The following MEOX2 variants were observed in gnomAD, a reference collection of about 807,000 sequenced individuals.
MEOX2 encodes the protein mesenchyme homeobox 2.
In MEOX2, 11 loss-of-function variants were observed where a neutral mutation model predicts 27.0. The ratio of observed to expected loss-of-function variants is 0.41; its 90% CI spans 0.26 to 0.68. The LOEUF (loss-of-function observed/expected upper bound fraction) is 0.68. MEOX2 is among the 30% of genes least tolerant of loss of function. The pLI is 0.33. For missense variants in MEOX2, 436 were observed against 385.4 expected, an observed-to-expected ratio of 1.13 and a Z score of -1.10; for synonymous variants, 189 against 155.4, an observed-to-expected ratio of 1.22 and a Z score of -1.61.
intron 1 of MEOX2, among the ~76,000 whole-genome samples, chr7:15,643,731 C>T (rs1425831430): frequency 6.6e-6 from 1 of 152,150 alleles, no homozygotes; most frequent in Non-Finnish European, 1.5e-5. Context: ...AGCCGCTGTG[C>T]CCCTAAACAA....
At chr7:15,615,316 C>T (rs896297861) in intron 2 of MEOX2, among the ~76,000 whole-genome samples, 6 of 151,908 alleles carry the variant, frequency 3.9e-5, no homozygotes, top group Admixed American at 3.9e-4. Context: ...AGGATTTAAA[C>T]GTGAGGGCTG....
intron 1 of MEOX2, among the ~76,000 whole-genome samples, chr7:15,632,244 T>C (rs1370940639): frequency 1.3e-5 from 2 of 151,752 alleles, no homozygotes; most frequent in African/African-American, 2.4e-5. Context: ...GTTACAGAAA[T>C]TTTAGCCATT....
rs1009598320 is a variant in MEOX2, at chr7:15,636,786, A to G, written c.518-9868T>C. On this transcript the variant is annotated intron_variant, in intron 1 of 2. Coordinates refer to ENST00000262041, the MANE Select transcript of MEOX2 (RefSeq NM_005924.5). ...ATTTCCTACAATCCTAGAGGCTGAG[A>G]AGAAGTGCACGATCAAGGCAGCAAC... Among the ~76,000 whole-genome samples, 77 of 152,084 alleles carry G rather than the reference A, an allele frequency of 5.1e-4. 1 individual carries two copies. Among genetic ancestry groups the G allele is most frequent in the African/African-American group, 1.7e-3 (72 of 41,446 alleles).
intron 1 of MEOX2, among the ~76,000 whole-genome samples, chr7:15,645,580 A>G (rs1781629101): frequency 6.6e-6 from 1 of 152,212 alleles, no homozygotes; most frequent in African/African-American, 2.4e-5. Context: ...TAAGGAATTT[A>G]CAGCTTAAAG....
chr7:15,626,956 T>G lies in MEOX2; in HGVS notation c.518-38A>C, dbSNP rs541993792. On this transcript the variant is annotated intron_variant, in intron 1 of 2. Coordinates refer to ENST00000262041, the MANE Select transcript of MEOX2 (RefSeq NM_005924.5). ...GGAGACAGAATTGGTAATAACTCAT[T>G]TATTCAAACACATGCAATCATATTA... 1.5e-5 allele frequency: 23 copies of G among 1,572,958 alleles called. No homozygotes were observed. The South Asian group carries it at 2.3e-4, about 16-fold the overall frequency.
At position 15,660,064 on chromosome 7, in the gene MEOX2, T is replaced by G. The variant is rs1781887517; in HGVS notation, c.517+25822A>C. 2.6e-5 allele frequency among the ~76,000 whole-genome samples: 4 copies of G among 152,266 alleles called. No homozygotes were observed. The South Asian group carries it at 8.3e-4, about 32-fold the overall frequency. On this transcript the variant is annotated intron_variant, in intron 1 of 2. Transcript: ENST00000262041. ...CATTGAGAGGAAAAGTGAACACCTT[T>G]CCTTCTTGAATGAGCTAAGGATGGC... is the stretch of plus-strand genomic sequence containing the variant.
intron 2 of MEOX2, among the ~76,000 whole-genome samples, 192 bp downstream of exon 2, chr7:15,626,554 G>A (rs1397580008): frequency 6.6e-6 from 1 of 151,412 alleles, no homozygotes; most frequent in Non-Finnish European, 1.5e-5. Flanking sequence ...CAATAAGTAT[G>A]GTTTTCTTTC....
chr7:15,614,761 A>G (rs1159112886), intron 2 of MEOX2, among the ~76,000 whole-genome samples: 1 of 152,152 alleles, frequency 6.6e-6, no homozygotes, highest in African/African-American at 2.4e-5. Context: ...CTACGTTAGA[A>G]ATATTTTGAA....
intron 1 of MEOX2, chr7:15,668,401 G>T (rs935120718): frequency 6.6e-6 from 1 of 152,170 alleles, no homozygotes; most frequent in Non-Finnish European, 1.5e-5. Context: ...CATTAAAAAT[G>T]TGTGTTAATC....
chr7:15,666,475 C>T (rs971389045), intron 1 of MEOX2, among the ~76,000 whole-genome samples: 3 of 151,834 alleles, frequency 2.0e-5, no homozygotes, highest in Admixed American at 6.6e-5. Context: ...CAAATGGGGC[C>T]GGCTGAGGTG....
intron 2 of MEOX2, among the ~76,000 whole-genome samples, chr7:15,625,302 T>C (rs1583745762): frequency 6.6e-6 from 1 of 152,324 alleles, no homozygotes; most frequent in African/African-American, 2.4e-5. Flanking sequence ...GATCCTGCTT[T>C]CCAGCATGCC....
chr7:15,660,414 G>A (rs1781893812), intron 1 of MEOX2, among the ~76,000 whole-genome samples: 1 of 152,074 alleles, frequency 6.6e-6, no homozygotes, highest in African/African-American at 2.4e-5. Context: ...TTTAAATCCT[G>A]TCCACCCTAC....
chr7:15,653,365 A>C (rs555329059), intron 1 of MEOX2, among the ~76,000 whole-genome samples: 10 of 151,952 alleles, frequency 6.6e-5, no homozygotes, highest in African/African-American at 2.2e-4. Flanking sequence ...TTCTTTATGT[A>C]TTTTTGATGT....
rs1170645938 is a variant in MEOX2, at chr7:15,644,993, C to T, written c.518-18075G>A. 2.6e-5 allele frequency among the ~76,000 whole-genome samples: 4 copies of T among 152,208 alleles called. No homozygotes were observed. The East Asian group carries it at 7.8e-4, about 29-fold the overall frequency. On this transcript the variant is annotated intron_variant, in intron 1 of 2. Transcript: ENST00000262041. ...TACCTTACTAGTTCACAAACTGAAT[C>T]CTGGTATTCAGAAGCTGTCATAAAA...
At chr7:15,685,584 G>A (rs1220340104) in intron 1 of MEOX2, among the ~76,000 whole-genome samples, 3 of 152,212 alleles carry the variant, frequency 2.0e-5, no homozygotes, top group Non-Finnish European at 4.4e-5. Flanking sequence ...TGGGATGGAA[G>A]GTCACGCTTC....
chr7:15,662,181 A>T (rs1056075044), intron 1 of MEOX2, among the ~76,000 whole-genome samples: 56 of 151,086 alleles, frequency 3.7e-4, no homozygotes, highest in African/African-American at 1.4e-3. Context: ...TTAATTTTTG[A>T]GAAGGAAAAA....
intron 1 of MEOX2, among the ~76,000 whole-genome samples, chr7:15,683,881 A>T (rs1315898732): frequency 6.6e-6 from 1 of 152,122 alleles, no homozygotes. Context: ...TGACACAAAC[A>T]CTTATATTTG....
At chr7:15,659,196 A>T (rs1333431666) in intron 1 of MEOX2, among the ~76,000 whole-genome samples, 1 of 152,122 alleles carries the variant, frequency 6.6e-6, no homozygotes, top group East Asian at 1.9e-4. Context: ...TTTTGTAGAG[A>T]TGAAGCAGAA....
At chr7:15,682,059 A>AT (rs1291372510) in intron 1 of MEOX2, 2 of 151,776 alleles carry the variant, frequency 1.3e-5, no homozygotes, top group Admixed American at 1.3e-4. Flanking sequence ...GATACTTAGA[A>AT]TTTTTTATGT....
Sources: allele counts gnomAD v4.1 joint callset (sites outside exome capture counted in the v4.1 genomes callset), GRCh38; gene constraint gnomAD v4.1.1; transcripts MANE v1.5; gene names NCBI Gene and HGNC (gene_info 2026-07-23, HGNC 2026-07-21).